Variants in FGF14 observed in about 807,000 individuals in gnomAD.
The protein encoded by FGF14 is fibroblast growth factor homologous factor 4.
A neutral mutation model predicts 25.5 loss-of-function variants in FGF14; 5 were observed. The observed-to-expected ratio is 0.20, with a 90% CI of 0.10 to 0.41. The LOEUF (loss-of-function observed/expected upper bound fraction) is 0.41. Among genes scored for constraint, FGF14 ranks in the 10% least tolerant of loss-of-function variants. The pLI, the probability that FGF14 is intolerant of heterozygous loss-of-function variation, is 1.00. For missense variants in FGF14, 222 were observed against 320.1 expected (o/e 0.69, Z 2.34); for synonymous variants, 138 against 118.3 (o/e 1.17, Z -1.08).
At chr13:101,994,019 T>C (rs554169450) in intron 1 of FGF14, among the ~76,000 whole-genome samples, 1 of 152,192 alleles carries the variant, frequency 6.6e-6, no homozygotes, top group African/African-American at 2.4e-5. Flanking sequence ...CTTCATTTCT[T>C]ACATGTGATA....
At chr13:102,003,280 T>C (rs1594955826) in intron 1 of FGF14, 1 of 152,200 alleles carries the variant, frequency 6.6e-6, no homozygotes, top group East Asian at 1.9e-4. Context: ...CAGAGGAAAT[T>C]GAATACTCCC....
intron 1 of FGF14, among the ~76,000 whole-genome samples, chr13:102,377,974 G>A (rs576259241): frequency 3.9e-5 from 6 of 152,240 alleles, no homozygotes; most frequent in Non-Finnish European, 5.9e-5. Flanking sequence ...TCAAGAACTC[G>A]TTAGGCCTAC....
At chr13:101,773,938 G>A (rs866269178) in intron 3 of FGF14, among the ~76,000 whole-genome samples, 6 of 150,394 alleles carry the variant, frequency 4.0e-5, no homozygotes, top group East Asian at 3.9e-4. Flanking sequence ...TTTGCGCTGT[G>A]CCAAGCATAC....
upstream of FGF14, among the ~76,000 whole-genome samples, chr13:101,916,957 G>A (rs944105309): frequency 1.3e-5 from 2 of 151,862 alleles, no homozygotes; most frequent in Admixed American, 6.6e-5. Context: ...GGCGCTGCTG[G>A]TCACCGCTCG....
chr13:101,731,393 A>G (rs2035803835), intron 3 of FGF14, among the ~76,000 whole-genome samples: 1 of 152,194 alleles, frequency 6.6e-6, no homozygotes, highest in South Asian at 2.1e-4. Context: ...AAAATCAACA[A>G]CAGATGAGTT....
chr13:101,858,094 AT>A (rs1210583052), intron 3 of FGF14, among the ~76,000 whole-genome samples: 1 of 151,940 alleles, frequency 6.6e-6, no homozygotes, highest in East Asian at 1.9e-4. Flanking sequence ...AAGAAATGGG[AT>A]TAGTTATTGG....
intron 1 of FGF14, among the ~76,000 whole-genome samples, chr13:102,085,154 TG>T (rs1307638276): frequency 2.2e-4 from 33 of 152,346 alleles, no homozygotes; most frequent in African/African-American, 7.5e-4. Flanking sequence ...CATACTTTTT[TG>T]ATCAGTAAAA....
chr13:102,279,781 C>T (rs2141206914), intron 1 of FGF14, among the ~76,000 whole-genome samples: 1 of 152,294 alleles, frequency 6.6e-6, no homozygotes, highest in East Asian at 1.9e-4. Context: ...TATAAACTAA[C>T]CATTAACATC....
intron 1 of FGF14, among the ~76,000 whole-genome samples, chr13:102,191,575 A>C (rs2049125636): frequency 1.3e-5 from 2 of 152,120 alleles, no homozygotes; most frequent in African/African-American, 4.8e-5. Flanking sequence ...TCATCTCTGA[A>C]TATCATCATA....
intron 1 of FGF14, among the ~76,000 whole-genome samples, chr13:101,960,735 AT>A (rs2139455899): frequency 6.6e-6 from 1 of 152,286 alleles, no homozygotes; most frequent in East Asian, 1.9e-4. Flanking sequence ...GTCAAACGGT[AT>A]TTCTGGTTCT....
chr13:102,170,417 T>A (rs2048199276), intron 1 of FGF14, among the ~76,000 whole-genome samples: 1 of 151,998 alleles, frequency 6.6e-6, no homozygotes, highest in South Asian at 2.1e-4. Flanking sequence ...AGGCTATTAC[T>A]TCTGCCCTAC....
chr13:102,078,358 A>G (rs957155453), intron 1 of FGF14, among the ~76,000 whole-genome samples: 30 of 152,322 alleles, frequency 2.0e-4, no homozygotes, highest in Non-Finnish European at 5.9e-5. Context: ...CAATGTATAC[A>G]TATTTCAAAA....
intron 1 of FGF14, among the ~76,000 whole-genome samples, chr13:101,951,466 G>C (rs2036164613): frequency 6.6e-6 from 1 of 151,994 alleles, no homozygotes; most frequent in African/African-American, 2.4e-5. Flanking sequence ...ATTTTATTAA[G>C]AAGCAAGTCA....
intron 1 of FGF14, among the ~76,000 whole-genome samples, chr13:102,097,962 G>A (rs1270397277): frequency 1.3e-5 from 2 of 152,172 alleles, no homozygotes; most frequent in African/African-American, 2.4e-5. Context: ...CTGAGCCTCA[G>A]CCCAAGTCTG....
intron 1 of FGF14, among the ~76,000 whole-genome samples, chr13:101,909,786 C>G (rs573938829): frequency 6.6e-6 from 1 of 152,110 alleles, no homozygotes; most frequent in African/African-American, 2.4e-5. Context: ...TAAAGACACA[C>G]GCACACATAT....
At chr13:102,045,138 A>G (rs2041924501) in intron 1 of FGF14, among the ~76,000 whole-genome samples, 1 of 152,192 alleles carries the variant, frequency 6.6e-6, no homozygotes, top group African/African-American at 2.4e-5. Flanking sequence ...TATACATTAT[A>G]GGGTGAAGTT....
intron 1 of FGF14, among the ~76,000 whole-genome samples, chr13:102,082,840 C>G (rs1297464228): frequency 6.6e-6 from 1 of 151,348 alleles, no homozygotes; most frequent in Non-Finnish European, 1.5e-5. Context: ...CGCCTGTAGT[C>G]CCAGCTACTT....
chr13:101,778,720 T>C lies in FGF14; in HGVS notation c.409-51910A>G, dbSNP rs2039299210. On this transcript the variant is annotated intron_variant, in intron 3 of 4. Transcript: ENST00000376143. ...AAGTGTTTATAGATTACAGCATGAA[T>C]TTTGCTGTGGTTGTGTGTTTTTATG... 1.3e-5 allele frequency among the ~76,000 whole-genome samples: 2 copies of C among 152,184 alleles called. 1 individual carries two copies. Among genetic ancestry groups the C allele is most frequent in the South Asian group, 4.1e-4 (2 of 4,828 alleles).
At chr13:102,254,428 T>G (rs921815279) in intron 1 of FGF14, among the ~76,000 whole-genome samples, 3 of 152,100 alleles carry the variant, frequency 2.0e-5, no homozygotes, top group African/African-American at 7.2e-5. Context: ...ATAGTTGGGT[T>G]TACAGGAGCT....
Sources: gnomAD v4.1 joint callset for allele counts (sites outside exome capture counted in the v4.1 genomes callset) on GRCh38, gnomAD v4.1.1 for gene constraint, MANE v1.5 for transcripts, NCBI Gene and HGNC (gene_info 2026-07-23, HGNC 2026-07-21) for gene names.